EDNRA: variants seen among roughly 807,000 people sequenced by gnomAD.
EDNRA encodes the protein endothelin receptor type A, also known as endothelin-1 receptor.
A neutral mutation model predicts 41.4 loss-of-function variants in EDNRA; 11 were observed. That is an observed-to-expected ratio of 0.27 (90% CI 0.17 to 0.44). The LOEUF (loss-of-function observed/expected upper bound fraction) is 0.44. Among genes scored for constraint, EDNRA ranks in the 20% least tolerant of loss-of-function variants. The pLI, the probability that EDNRA is intolerant of heterozygous loss-of-function variation, is 1.00. For missense variants in EDNRA, 294 were observed against 531.0 expected (o/e 0.55, Z 4.39); for synonymous variants, 172 against 183.0 (o/e 0.94, Z 0.49).
rs1249260751 is a variant in EDNRA at position 147,532,183 on chromosome 4, G to A, written c.549-323G>A. 3.4e-3 allele frequency among the ~76,000 whole-genome samples: 509 copies of A among 148,504 alleles called. 7 individuals are homozygous for A. The highest frequency in any genetic ancestry group is 0.012 in the African/African-American group (466 of 40,492). ...AAAAAAAAAATACAAAAAATTAGCC[G>A]GGCGTGGTGGCAGGCGCCTGTAGTC... On this transcript the variant is annotated intron_variant, in intron 3 of 7. Coordinates refer to ENST00000651419, the MANE Select transcript of EDNRA (RefSeq NM_001957.4).
chr4:147,485,809 C>T lies in EDNRA; in HGVS notation c.128C>T (p.Thr43Ile). 1 of 1,614,246 alleles carries T rather than the reference C, an allele frequency of 6.2e-7. No homozygotes were observed. The highest frequency in any genetic ancestry group is 8.5e-7 in the Non-Finnish European group (1 of 1,180,044). ...HVDDFTTFRGTELSFLVTTHQ... is the reference protein window; with the variant it reads ...HVDDFTTFRGIELSFLVTTHQ... Reference sequence around the variant, plus strand: ...GATGATTTCACCACTTTTCGTGGCACAGAGCTCAGCTTCCTGGTTACCACT... The same window carrying T: ...GATGATTTCACCACTTTTCGTGGCATAGAGCTCAGCTTCCTGGTTACCACT... Residue 43 changes from threonine to isoleucine, a missense_variant, in exon 2 of 8, where the codon ACA (threonine) becomes ATA (isoleucine). By Grantham distance (89) the Thr-to-Ile change is moderately conservative. Transcript: ENST00000651419.
chr4:147,495,634 G>A (rs934905010), intron 2 of EDNRA: 3 of 152,156 alleles, frequency 2.0e-5, no homozygotes, highest in African/African-American at 2.4e-5. Flanking sequence ...TGATTGCCTC[G>A]ACACCTCTGC....
chr4:147,484,332 T>C lies in EDNRA; in HGVS notation c.-70-1280T>C, dbSNP rs76481239. ...ATGTCTAACCACCCTCCTGAGTCTA[T>C]TGCTTCATCTAAACTCTGGAGACTT... On this transcript the variant is annotated intron_variant, in intron 1 of 7. Transcript: ENST00000651419. Among the ~76,000 whole-genome samples the C allele has an allele frequency of 9.1e-3, 1,379 of 152,304 alleles. 18 individuals carry two copies. The highest frequency in any genetic ancestry group is 0.031 in the African/African-American group (1,305 of 41,560).
At chr4:147,501,973 A>G (rs1729531279) in intron 2 of EDNRA, among the ~76,000 whole-genome samples, 1 of 152,232 alleles carries the variant, frequency 6.6e-6, no homozygotes, top group Admixed American at 6.5e-5. Flanking sequence ...CTCATTAGCA[A>G]CGTAGGAGTT....
intron 2 of EDNRA, among the ~76,000 whole-genome samples, chr4:147,516,639 C>T (rs1023911676): frequency 4.6e-5 from 7 of 152,146 alleles, no homozygotes; most frequent in Admixed American, 2.0e-4. Context: ...CAAAAATAAG[C>T]TATGACTGAT....
At chr4:147,521,324 AAC>A in intron 3 of EDNRA, among the ~76,000 whole-genome samples, 1 of 152,248 alleles carries the variant, frequency 6.6e-6, no homozygotes, top group Middle Eastern at 3.2e-3. Context: ...TGCAATGGTA[AAC>A]ACAAAGATCA....
intron 2 of EDNRA, among the ~76,000 whole-genome samples, chr4:147,505,326 CATTTTTTTTTTT>C (rs1729662420): frequency 2.4e-5 from 2 of 82,030 alleles, no homozygotes; most frequent in African/African-American, 1.1e-4. Context: ...TTTCTTTTTT[CATTTTTTTTTTT>C]TTTTTTTTTT....
In EDNRA at chr4:147,506,711, G is replaced by A. The variant is rs181095979; in HGVS notation, c.421-13140G>A. The A allele has an allele frequency of 6.5e-5, 22 of 337,760 alleles. No homozygotes were observed. The East Asian group carries it at 1.4e-3, about 22-fold the overall frequency. The allele number at this position is 337,760 out of a possible 1,614,324, so 20.9% of individuals were successfully genotyped here. ...ATGTAAAAGAGATCCACAAAAACACGTGGGAGCTGAAACCAGAGTACAGAC... is the reference window on the plus strand; with the variant it reads ...ATGTAAAAGAGATCCACAAAAACACATGGGAGCTGAAACCAGAGTACAGAC... On this transcript the variant is annotated intron_variant, in intron 2 of 7. Coordinates refer to ENST00000651419, the MANE Select transcript of EDNRA (RefSeq NM_001957.4).
chr4:147,488,814 C>T (rs1490836710), intron 2 of EDNRA: 1 of 152,244 alleles, frequency 6.6e-6, no homozygotes, highest in Non-Finnish European at 1.5e-5. Flanking sequence ...TCACAGGCCC[C>T]CATCCCTTTC....
Position 147,507,592 on chromosome 4 carries a change from G to A in EDNRA, c.421-12259G>A, listed in dbSNP as rs920063994. Among the ~76,000 whole-genome samples the A allele has an allele frequency of 7.2e-5, 11 of 152,142 alleles. No homozygotes were observed. In the South Asian group the frequency reaches 1.0e-3, roughly 14 times the overall value. ...AGAGGACATCAAAAGGGATCCTTGCGGTGATAAACCTGTTCTGTATCTTGA... is the reference window on the plus strand; with the variant it reads ...AGAGGACATCAAAAGGGATCCTTGCAGTGATAAACCTGTTCTGTATCTTGA... On this transcript the variant is annotated intron_variant, in intron 2 of 7. Coordinates refer to ENST00000651419, the MANE Select transcript of EDNRA (RefSeq NM_001957.4).
intron 4 of EDNRA, among the ~76,000 whole-genome samples, chr4:147,533,128 A>AAT (rs1730811114): frequency 6.6e-6 from 1 of 152,152 alleles, no homozygotes; most frequent in Non-Finnish European, 1.5e-5. Context: ...TCACTTGGGG[A>AAT]GAAGCACATT....
rs1356710140 is a variant in EDNRA at position 147,519,999 on chromosome 4, T to G, written c.548+21T>G. 1.3e-6 allele frequency: 2 copies of G among 1,594,120 alleles called. No individual in the cohort carries two copies. Among genetic ancestry groups the G allele is most frequent in the East Asian group, 4.5e-5 (2 of 44,300 alleles). On this transcript the variant is annotated intron_variant, in intron 3 of 7. Coordinates refer to ENST00000651419, the MANE Select transcript of EDNRA (RefSeq NM_001957.4). This position sits in a 1 kb window ranked among gnomAD's most constrained non-coding sequence, Gnocchi z 4.1. ...GACAGGTAATGTGGTTCTTTCCCTTTGCTCTTTGGCTGGGCTTAGAAAAGC... is the reference window on the plus strand; with the variant it reads ...GACAGGTAATGTGGTTCTTTCCCTTGGCTCTTTGGCTGGGCTTAGAAAAGC...
chr4:147,539,719 T>G (rs1283324546), intron 5 of EDNRA, 98 bp from the exon 6 acceptor site: 1 of 1,369,486 alleles, frequency 7.3e-7, no homozygotes, highest in African/African-American at 1.5e-5. Context: ...TTTGAATTAT[T>G]CTTTCTCTGG....
At chr4:147,531,979 C>G (rs1730757071) in intron 3 of EDNRA, among the ~76,000 whole-genome samples, 1 of 146,758 alleles carries the variant, frequency 6.8e-6, no homozygotes, top group Non-Finnish European at 1.5e-5. Flanking sequence ...CGCTGAACTC[C>G]AGCCTGGCAG....
chr4:147,503,742 A>T (rs1729592503), intron 2 of EDNRA, among the ~76,000 whole-genome samples: 1 of 152,210 alleles, frequency 6.6e-6, no homozygotes, highest in African/African-American at 2.4e-5. Flanking sequence ...ATTAATCTAG[A>T]TCAGCGTTTC....
intron 5 of EDNRA, 53 bp downstream of exon 5, chr4:147,536,082 G>A: frequency 6.3e-7 from 1 of 1,592,952 alleles, no homozygotes; most frequent in South Asian, 1.1e-5. Context: ...GTCCTTGACA[G>A]CAGCAGGCCT....
chr4:147,534,303 G>T (rs1209887157), intron 4 of EDNRA, among the ~76,000 whole-genome samples: 1 of 152,202 alleles, frequency 6.6e-6, no homozygotes, highest in African/African-American at 2.4e-5. Flanking sequence ...GAGTGCTTCT[G>T]ACTTTTTTTA....
At chr4:147,531,380 G>C (rs935058686) in intron 3 of EDNRA, among the ~76,000 whole-genome samples, 26 of 152,108 alleles carry the variant, frequency 1.7e-4, no homozygotes, top group Non-Finnish European at 7.4e-5. Context: ...ACTGCCACCT[G>C]GTACAAGCCC....
intron 2 of EDNRA, among the ~76,000 whole-genome samples, chr4:147,487,435 C>T (rs965591472): frequency 6.6e-6 from 1 of 152,162 alleles, no homozygotes; most frequent in African/African-American, 2.4e-5. Context: ...TGTGTTTATT[C>T]TAAACCCAAG....
Sources: gnomAD v4.1 joint callset for allele counts (sites outside exome capture counted in the v4.1 genomes callset) on GRCh38, gnomAD v4.1.1 for gene constraint, Gnocchi (gnomAD v3.1) non-coding constraint, MANE v1.5 for transcripts, NCBI Gene and HGNC (gene_info 2026-07-23, HGNC 2026-07-21) for gene names.